The following CBLB variants were observed in gnomAD, a reference collection of about 807,000 sequenced individuals.
CBLB encodes Cbl proto-oncogene B, also known as E3 ubiquitin-protein ligase CBL-B.
Under a neutral mutation model 104.9 loss-of-function variants are expected in CBLB, and 31 were observed. That is an observed-to-expected ratio of 0.30 (90% CI 0.22 to 0.40). The LOEUF (loss-of-function observed/expected upper bound fraction) is 0.40, where lower values mean the gene tolerates loss of function less well. Among genes scored for constraint, CBLB ranks in the 10% least tolerant of loss-of-function variants. The probability of loss-of-function intolerance (pLI) is 1.00; values close to 1 mark genes in which losing one functional copy is unlikely to be tolerated. For synonymous variants in CBLB, 440 were observed against 422.6 expected, an observed-to-expected ratio of 1.04 and a Z score of -0.51; for missense variants, 1,062 against 1,214.6, an observed-to-expected ratio of 0.87 and a Z score of 1.87.
intron 16 of CBLB, among the ~76,000 whole-genome samples, chr3:105,679,652 T>C (rs893398765): frequency 1.3e-5 from 2 of 151,926 alleles, no homozygotes; most frequent in African/African-American, 4.8e-5. Context: ...GGTACGTGAC[T>C]GTAATCCTGG....
At position 105,755,121 on chromosome 3, in the gene CBLB, G is replaced by A. The variant is rs1465810421; in HGVS notation, c.567-3503C>T. On this transcript the variant is annotated intron_variant, in intron 4 of 18. Transcript: ENST00000394030. ...TATACATGTGCCATGCTGGTGCGCT[G>A]CACCCACTAATGTGTCATCTAGCAT... Among the ~76,000 whole-genome samples the A allele has an allele frequency of 1.3e-4, 19 of 151,312 alleles. 1 individual carries two copies. The highest frequency in any genetic ancestry group is 1.1e-3 in the Admixed American group (17 of 15,124).
At chr3:105,852,821 G>A (rs948108761) in intron 3 of CBLB, among the ~76,000 whole-genome samples, 12 of 151,936 alleles carry the variant, frequency 7.9e-5, no homozygotes, top group East Asian at 1.9e-4. Flanking sequence ...GGGTTCAAGC[G>A]ATTCTCCTGC....
At chr3:105,704,267 G>A in intron 10 of CBLB, 94 bp from the exon 11 acceptor site, 1 of 1,153,296 alleles carries the variant, frequency 8.7e-7, no homozygotes, top group Non-Finnish European at 1.3e-6. Context: ...GAAGGTTTCT[G>A]GCACCATACA....
chr3:105,824,913 A>G lies in CBLB; in HGVS notation c.419+28501T>C, dbSNP rs537793972. Among the ~76,000 whole-genome samples, 144 of 152,338 alleles carry G rather than the reference A, an allele frequency of 9.5e-4. 1 individual carries two copies. Among genetic ancestry groups the G allele is most frequent in the African/African-American group, 3.4e-3 (143 of 41,586 alleles). On this transcript the variant is annotated intron_variant, in intron 3 of 18. Coordinates refer to ENST00000394030, the MANE Select transcript of CBLB (RefSeq NM_170662.5). ...CCATTCTTTGCAAAAGTGTTAGGAC[A>G]TGAGAGAGCCATATACACAATCCTA...
intron 13 of CBLB, among the ~76,000 whole-genome samples, chr3:105,691,565 A>C (rs1331567944): frequency 2.6e-5 from 4 of 152,242 alleles, no homozygotes; most frequent in Non-Finnish European, 1.5e-5. Flanking sequence ...ATCTCTAATT[A>C]GCAAGATTTC....
At chr3:105,838,054 A>G (rs1347023401) in intron 3 of CBLB, among the ~76,000 whole-genome samples, 1 of 150,216 alleles carries the variant, frequency 6.7e-6, no homozygotes, top group Non-Finnish European at 1.5e-5. Flanking sequence ...GAAGAGACAT[A>G]GCCTATTACC....
At chr3:105,681,011 G>A (rs77506204) in intron 16 of CBLB, 3,766 of 167,240 alleles carry the variant, frequency 0.023, 105 homozygotes, top group East Asian at 0.12. Flanking sequence ...ATGTGTTACA[G>A]TTGTAATGAT....
intron 3 of CBLB, among the ~76,000 whole-genome samples, chr3:105,822,566 C>T (rs1448916584): frequency 6.6e-6 from 1 of 152,116 alleles, no homozygotes; most frequent in Non-Finnish European, 1.5e-5. Context: ...ACTAAACAAA[C>T]AAATCTAAAA....
chr3:105,711,351 T>C (rs1214679992), intron 10 of CBLB, among the ~76,000 whole-genome samples: 1 of 152,054 alleles, frequency 6.6e-6, no homozygotes, highest in Non-Finnish European at 1.5e-5. Context: ...AAAACTTTTA[T>C]CACATGATAA....
At chr3:105,845,463 A>G (rs2090123228) in intron 3 of CBLB, among the ~76,000 whole-genome samples, 1 of 151,876 alleles carries the variant, frequency 6.6e-6, no homozygotes, top group African/African-American at 2.4e-5. Flanking sequence ...AAAATTTAAA[A>G]AGCTAATGGT....
chr3:105,716,987 A>T (rs1184462844), intron 10 of CBLB, among the ~76,000 whole-genome samples: 2 of 152,186 alleles, frequency 1.3e-5, no homozygotes, highest in Non-Finnish European at 2.9e-5. Context: ...TCAAGGAGAA[A>T]CACTAGAGTC....
intron 3 of CBLB, among the ~76,000 whole-genome samples, chr3:105,779,189 C>A (rs541717922): frequency 6.6e-6 from 1 of 152,292 alleles, no homozygotes; most frequent in Admixed American, 6.5e-5. Context: ...GATCTAAAGT[C>A]TGAAACACAA....
intron 3 of CBLB, among the ~76,000 whole-genome samples, chr3:105,810,906 C>T (rs2084206330): frequency 6.6e-6 from 1 of 152,050 alleles, no homozygotes; most frequent in Non-Finnish European, 1.5e-5. Context: ...GTTTAAGATA[C>T]TACTTAATGC....
intron 12 of CBLB, among the ~76,000 whole-genome samples, chr3:105,697,289 ATT>A (rs1386988658): frequency 4.6e-5 from 7 of 152,036 alleles, no homozygotes. Context: ...TTAGAGTAAT[ATT>A]TCTCTAAATG....
intron 3 of CBLB, among the ~76,000 whole-genome samples, chr3:105,798,840 A>G (rs1055895526): frequency 1.3e-5 from 2 of 152,184 alleles, no homozygotes; most frequent in African/African-American, 4.8e-5. Context: ...AAAATCTCCT[A>G]ACTGCCTGCC....
intron 4 of CBLB, among the ~76,000 whole-genome samples, chr3:105,760,999 C>T (rs1243868628): frequency 6.6e-6 from 1 of 152,014 alleles, no homozygotes; most frequent in African/African-American, 2.4e-5. Flanking sequence ...ATGTAAATAC[C>T]TACACACTGA....
intron 17 of CBLB, chr3:105,670,811 T>C (rs1447565851): frequency 2.5e-5 from 4 of 160,310 alleles, no homozygotes; most frequent in African/African-American, 9.6e-5. Context: ...ACAAAATTTG[T>C]AAAACAGACC....
At chr3:105,831,492 C>G (rs1050344571) in intron 3 of CBLB, among the ~76,000 whole-genome samples, 3 of 152,264 alleles carry the variant, frequency 2.0e-5, no homozygotes, top group African/African-American at 7.2e-5. Context: ...AGAACTGTCT[C>G]TACACCACCA....
intron 12 of CBLB, among the ~76,000 whole-genome samples, chr3:105,700,396 C>T (rs2068924132): frequency 6.6e-6 from 1 of 151,640 alleles, no homozygotes; most frequent in South Asian, 2.1e-4. Context: ...TGAGATATAA[C>T]TAGTTAATTA....
Sources: allele counts gnomAD v4.1 joint callset (sites outside exome capture counted in the v4.1 genomes callset), GRCh38; gene constraint gnomAD v4.1.1; transcripts MANE v1.5; gene names NCBI Gene and HGNC (gene_info 2026-07-23, HGNC 2026-07-21).